GABRG3: variants seen among roughly 807,000 people sequenced by gnomAD.
The protein encoded by GABRG3 is gamma-aminobutyric acid type A receptor subunit gamma3.
Under a neutral mutation model 48.8 loss-of-function variants are expected in GABRG3, and 25 were observed. The observed-to-expected ratio is 0.51, with a 90% CI of 0.37 to 0.72. The LOEUF is 0.72. Ranked by LOEUF, GABRG3 falls within the 30% of genes least tolerant of loss-of-function variation. The pLI is 0.00. For synonymous variants in GABRG3, 227 were observed against 217.6 expected, an observed-to-expected ratio of 1.04 and a Z score of -0.38; for missense variants, 394 against 577.9, an observed-to-expected ratio of 0.68 and a Z score of 3.26.
chr15:27,399,153 T>G lies in GABRG3; in HGVS notation c.574+70265T>G, dbSNP rs988417548. 9.9e-5 allele frequency among the ~76,000 whole-genome samples: 15 copies of G among 152,184 alleles called. No homozygotes were observed. The East Asian group carries it at 2.9e-3, about 29-fold the overall frequency. ...TAGCCCCTCATCAGCTAAAATATGT[T>G]ATTTATTACCTAAAATTATAGTAAG... On this transcript the variant is annotated intron_variant, in intron 5 of 9. Coordinates refer to ENST00000615808, the MANE Select transcript of GABRG3 (RefSeq NM_033223.5).
intron 3 of GABRG3, among the ~76,000 whole-genome samples, chr15:27,277,314 C>G (rs1891289477): frequency 1.3e-5 from 2 of 152,304 alleles, no homozygotes; most frequent in Non-Finnish European, 1.5e-5. Context: ...AGATGGTCAC[C>G]TGCTGTTTTC....
At chr15:27,359,287 A>G (rs967966376) in intron 5 of GABRG3, among the ~76,000 whole-genome samples, 3 of 152,242 alleles carry the variant, frequency 2.0e-5, no homozygotes, top group African/African-American at 7.2e-5. Flanking sequence ...GCTCGCTTGC[A>G]GGCACAAGCT....
At chr15:27,415,080 C>G (rs1887901957) in intron 5 of GABRG3, among the ~76,000 whole-genome samples, 1 of 152,114 alleles carries the variant, frequency 6.6e-6, no homozygotes, top group South Asian at 2.1e-4. Context: ...ATTTGATTAT[C>G]AAAATCAGTA....
chr15:27,308,311 T>TACGTTTATATATAAACATATAAAC (rs371774591), intron 3 of GABRG3, among the ~76,000 whole-genome samples: 4 of 129,822 alleles, frequency 3.1e-5, no homozygotes, highest in African/African-American at 9.9e-5. Flanking sequence ...CATATAAACA[T>TACGTTTATATATAAACATATAAAC]ATATAAACAT....
intron 3 of GABRG3, among the ~76,000 whole-genome samples, chr15:27,234,895 G>A (rs1362226399): frequency 6.6e-6 from 1 of 152,142 alleles, no homozygotes; most frequent in Non-Finnish European, 1.5e-5. Flanking sequence ...TCCTGCAGCA[G>A]CTGAGGTACC....
chr15:26,988,675 T>C (rs1895193550), intron 2 of GABRG3, among the ~76,000 whole-genome samples: 1 of 152,108 alleles, frequency 6.6e-6, no homozygotes, highest in African/African-American at 2.4e-5. Flanking sequence ...GATTTCAGTT[T>C]ATGATCTTTT....
intron 5 of GABRG3, among the ~76,000 whole-genome samples, chr15:27,330,909 A>G (rs546551550): frequency 3.3e-5 from 5 of 152,320 alleles, no homozygotes; most frequent in South Asian, 4.1e-4. Flanking sequence ...ACAGTCTTAT[A>G]TATAATGTCA....
At chr15:27,330,118 T>C (rs1355612259) in intron 5 of GABRG3, among the ~76,000 whole-genome samples, 3 of 152,116 alleles carry the variant, frequency 2.0e-5, no homozygotes, top group Admixed American at 2.0e-4. Context: ...GCAGGTGCTG[T>C]AGTCCCAGCT....
intron 3 of GABRG3, among the ~76,000 whole-genome samples, chr15:27,108,751 G>C (rs555313514): frequency 6.6e-6 from 1 of 152,084 alleles, no homozygotes; most frequent in Admixed American, 6.5e-5. Flanking sequence ...TTGATACCCT[G>C]GTATTTAGGT....
At chr15:27,510,517 A>G (rs546552320) in intron 6 of GABRG3, among the ~76,000 whole-genome samples, 2 of 152,258 alleles carry the variant, frequency 1.3e-5, no homozygotes, top group South Asian at 2.1e-4. Context: ...AGTTCTCACA[A>G]TGAGTTCTGT....
At chr15:27,243,796 A>G (rs1890195769) in intron 3 of GABRG3, among the ~76,000 whole-genome samples, 1 of 152,224 alleles carries the variant, frequency 6.6e-6, no homozygotes, top group African/African-American at 2.4e-5. Flanking sequence ...CTTAAAATGC[A>G]TGGCAGAAAA....
At chr15:27,332,293 A>G (rs1893828079) in intron 5 of GABRG3, among the ~76,000 whole-genome samples, 1 of 152,200 alleles carries the variant, frequency 6.6e-6, no homozygotes, top group Admixed American at 6.5e-5. Context: ...AGGCGAGCAG[A>G]TCACGAGGCC....
At position 27,236,176 on chromosome 15, in the gene GABRG3, C is replaced by T. The variant is rs567471047; in HGVS notation, c.271-90633C>T. 1.3e-4 allele frequency among the ~76,000 whole-genome samples: 20 copies of T among 152,238 alleles called. No individual in the cohort carries two copies. The highest frequency in any genetic ancestry group is 1.2e-3 in the East Asian group (6 of 5,176). ...AGAACACTTTTCTGTAAACCGTGTCCGGCGTACATGGAAGCATCTCAGGAG... is the reference window on the plus strand; with the variant it reads ...AGAACACTTTTCTGTAAACCGTGTCTGGCGTACATGGAAGCATCTCAGGAG... On this transcript the variant is annotated intron_variant, in intron 3 of 9. Coordinates refer to ENST00000615808, the MANE Select transcript of GABRG3 (RefSeq NM_033223.5). This position sits in a 1 kb window ranked among gnomAD's most constrained non-coding sequence, Gnocchi z 4.4.
intron 7 of GABRG3, among the ~76,000 whole-genome samples, chr15:27,525,872 G>A (rs139003575): frequency 2.3e-4 from 35 of 152,168 alleles, no homozygotes; most frequent in African/African-American, 7.9e-4. Context: ...TAGGTGATGG[G>A]TTGATAGGTG....
chr15:27,008,879 C>T (rs969940770), intron 2 of GABRG3, among the ~76,000 whole-genome samples: 3 of 152,108 alleles, frequency 2.0e-5, no homozygotes, highest in Non-Finnish European at 4.4e-5. Context: ...AATGGCACCT[C>T]GCTAGGGGCT....
At chr15:27,174,167 C>A (rs1161356347) in intron 3 of GABRG3, among the ~76,000 whole-genome samples, 33 of 152,162 alleles carry the variant, frequency 2.2e-4, no homozygotes, top group Non-Finnish European at 1.5e-5. Context: ...TCATGTCTTA[C>A]CCAGCCCATC....
At chr15:27,304,789 G>A (rs1254314922) in intron 3 of GABRG3, among the ~76,000 whole-genome samples, 1 of 151,926 alleles carries the variant, frequency 6.6e-6, no homozygotes, top group African/African-American at 2.4e-5. Flanking sequence ...GTGATATAAT[G>A]TATTCAGATT....
At chr15:27,008,492 A>G (rs978387237) in intron 2 of GABRG3, among the ~76,000 whole-genome samples, 1 of 152,206 alleles carries the variant, frequency 6.6e-6, no homozygotes, top group Non-Finnish European at 1.5e-5. Context: ...ACAATCACTC[A>G]GAGATTCAGT....
intron 3 of GABRG3, among the ~76,000 whole-genome samples, chr15:27,285,134 C>T (rs943679715): frequency 6.6e-6 from 1 of 152,032 alleles, no homozygotes; most frequent in African/African-American, 2.4e-5. Flanking sequence ...CCTGCTCCTT[C>T]CTACCCAGCT....
Sources: allele counts gnomAD v4.1 joint callset (sites outside exome capture counted in the v4.1 genomes callset), GRCh38; gene constraint gnomAD v4.1.1; non-coding constraint Gnocchi (gnomAD v3.1); transcripts MANE v1.5; gene names NCBI Gene and HGNC (gene_info 2026-07-23, HGNC 2026-07-21).